NRG3: variants seen among roughly 807,000 people sequenced by gnomAD.
NRG3 encodes the protein neuregulin 3.
NRG3 carries 31 observed loss-of-function variants against 66.9 expected under a neutral mutation model. The ratio of observed to expected loss-of-function variants is 0.46; its 90% CI spans 0.35 to 0.63. The LOEUF is 0.63. NRG3 is among the 20% of genes least tolerant of loss of function. The probability of loss-of-function intolerance (pLI) is 0.00; values close to 1 mark genes in which losing one functional copy is unlikely to be tolerated. For synonymous variants in NRG3, 393 were observed against 359.4 expected (o/e 1.09, Z -1.06); for missense variants, 910 against 878.9 (o/e 1.04, Z -0.45).
At chr10:81,929,497 A>G (rs1007028030) in intron 1 of NRG3, among the ~76,000 whole-genome samples, 2 of 152,168 alleles carry the variant, frequency 1.3e-5, no homozygotes, top group Non-Finnish European at 2.9e-5. Flanking sequence ...TAGCTGGGCT[A>G]TGGAGCCCAG....
At chr10:82,635,233 A>G (rs1336639564) in intron 2 of NRG3, among the ~76,000 whole-genome samples, 1 of 152,052 alleles carries the variant, frequency 6.6e-6, no homozygotes, top group East Asian at 1.9e-4. Context: ...TCTTTGTCCC[A>G]TGATTTCTAT....
intron 1 of NRG3, among the ~76,000 whole-genome samples, chr10:81,978,564 C>A (rs1473748081): frequency 2.6e-5 from 4 of 152,008 alleles, no homozygotes; most frequent in Non-Finnish European, 5.9e-5. Flanking sequence ...CCCAGTTCAT[C>A]CTTGAATCCA....
intron 2 of NRG3, among the ~76,000 whole-genome samples, chr10:82,675,361 T>A (rs980551023): frequency 4.6e-5 from 7 of 152,158 alleles, no homozygotes; most frequent in African/African-American, 1.4e-4. Flanking sequence ...ATGGGAAATG[T>A]TCCTCCTGTG....
chr10:82,908,849 T>C (rs1845020667), intron 4 of NRG3, among the ~76,000 whole-genome samples: 2 of 152,198 alleles, frequency 1.3e-5, no homozygotes. Context: ...TTTCAGCGAC[T>C]GGAGCTGTGG....
chr10:82,106,687 G>A (rs1333934180), intron 1 of NRG3, among the ~76,000 whole-genome samples: 4 of 151,812 alleles, frequency 2.6e-5, no homozygotes, highest in Non-Finnish European at 4.4e-5. Context: ...TGTATTTTGG[G>A]TAGAGACAGG....
intron 1 of NRG3, among the ~76,000 whole-genome samples, chr10:82,199,883 TGTGTGC>T (rs1295497743): frequency 0.012 from 1,139 of 94,222 alleles, 7 homozygotes; most frequent in Non-Finnish European, 0.017. Context: ...CATGTGTGTG[TGTGTGC>T]GTGTGTGTGT....
At chr10:82,222,334 C>T (rs1649962) in intron 1 of NRG3, among the ~76,000 whole-genome samples, 15,400 of 151,694 alleles carry the variant, frequency 0.1, 824 homozygotes, top group Middle Eastern at 0.18. Flanking sequence ...GAGTTAACGC[C>T]GATTGTGATG....
chr10:82,494,345 C>T (rs1425535652), intron 2 of NRG3, among the ~76,000 whole-genome samples: 1 of 152,096 alleles, frequency 6.6e-6, no homozygotes, highest in East Asian at 1.9e-4. Flanking sequence ...CTAACACACA[C>T]ATAGGTAAGA....
intron 4 of NRG3, among the ~76,000 whole-genome samples, chr10:82,891,777 C>G (rs1843170073): frequency 6.6e-6 from 1 of 151,818 alleles, no homozygotes; most frequent in Non-Finnish European, 1.5e-5. Context: ...CTTAATGTCT[C>G]TCTGTCTGGG....
intron 1 of NRG3, among the ~76,000 whole-genome samples, chr10:82,011,991 C>T (rs528759364): frequency 7.2e-5 from 11 of 152,284 alleles, no homozygotes; most frequent in African/African-American, 1.4e-4. Flanking sequence ...CTCCACTAGG[C>T]AATGCCCCAG....
chr10:82,274,213 C>A (rs1481546100), intron 1 of NRG3, among the ~76,000 whole-genome samples: 1 of 151,958 alleles, frequency 6.6e-6, no homozygotes, highest in Admixed American at 6.6e-5. Context: ...AGAACACTGA[C>A]AAATTTTCTG....
At chr10:82,351,024 TGGGACTACA>T (rs758082812) in intron 1 of NRG3, among the ~76,000 whole-genome samples, 2 of 152,094 alleles carry the variant, frequency 1.3e-5, no homozygotes, top group Non-Finnish European at 2.9e-5. Flanking sequence ...CCCAAGTAGC[TGGGACTACA>T]GGCGCCCGCC....
At chr10:82,152,986 G>A (rs868589322) in intron 1 of NRG3, among the ~76,000 whole-genome samples, 3 of 150,762 alleles carry the variant, frequency 2.0e-5, no homozygotes, top group East Asian at 3.9e-4. Flanking sequence ...ATACACACAC[G>A]CGCACACACA....
rs183765973 is a variant in NRG3 at position 82,238,678 on chromosome 10, T to C, written c.824-120061T>C. The stretch of plus-strand genomic sequence containing the variant: ...TAATGTGTACATCTGGATTTGTGTG[T>C]GTTCTTACATGCATTTTTTATTTAC... On this transcript the variant is annotated intron_variant, in intron 1 of 8. Coordinates refer to ENST00000372141, the MANE Select transcript of NRG3 (RefSeq NM_001010848.4). 2.4e-4 allele frequency among the ~76,000 whole-genome samples: 36 copies of C among 152,208 alleles called. No homozygotes were observed. The East Asian group carries it at 4.6e-3, about 20-fold the overall frequency.
At chr10:82,440,886 G>A (rs556548505) in intron 2 of NRG3, among the ~76,000 whole-genome samples, 76 of 152,192 alleles carry the variant, frequency 5.0e-4, no homozygotes, top group African/African-American at 1.8e-3. Context: ...AATCCAAATG[G>A]CAGTTTTATT....
chr10:82,985,429 C>G lies in NRG3; in HGVS notation c.1915C>G (p.Arg639Gly). ...GCTAGAAACTGTCCAGGAGCAGATC[C>G]GAATTCTGACTGATGCCAGACGGTC... ...ILLETVQEQIRILTDARRSED... is the reference protein window; with the variant it reads ...ILLETVQEQIGILTDARRSED... The change falls in exon 9 of 9, where the codon CGA (arginine) becomes GGA (glycine). Residue 639 changes from arginine (R) to glycine (G), a missense_variant. Physicochemically the swap from Arg to Gly is moderately radical, Grantham distance 125 (BLOSUM62 -2). Coordinates refer to ENST00000372141, the MANE Select transcript of NRG3 (RefSeq NM_001010848.4). 6.2e-7 allele frequency: 1 copy of G among 1,614,078 alleles called. No homozygotes were observed. Among genetic ancestry groups the G allele is most frequent in the Non-Finnish European group, 8.5e-7 (1 of 1,179,996 alleles).
intron 1 of NRG3, among the ~76,000 whole-genome samples, chr10:82,189,396 C>G (rs2074000722): frequency 6.6e-6 from 1 of 152,104 alleles, no homozygotes; most frequent in Non-Finnish European, 1.5e-5. Flanking sequence ...GTGACTCACA[C>G]CTGTAATCCC....
chr10:82,741,945 C>A (rs1421760439), intron 3 of NRG3, among the ~76,000 whole-genome samples: 4 of 152,116 alleles, frequency 2.6e-5, no homozygotes, highest in African/African-American at 9.7e-5. Context: ...AGATTTAAAT[C>A]CCTAATGAAA....
chr10:82,215,336 G>T (rs2075611170), intron 1 of NRG3, among the ~76,000 whole-genome samples: 1 of 152,142 alleles, frequency 6.6e-6, no homozygotes, highest in South Asian at 2.1e-4. Context: ...AAAATATTCA[G>T]ATGCTATTCT....
Sources: allele counts gnomAD v4.1 joint callset (sites outside exome capture counted in the v4.1 genomes callset), GRCh38; gene constraint gnomAD v4.1.1; transcripts MANE v1.5; gene names NCBI Gene and HGNC (gene_info 2026-07-23, HGNC 2026-07-21).